ARHGAP9: variants seen among roughly 807,000 people sequenced by gnomAD.
ARHGAP9 encodes rho GTPase-activating protein 9.
ARHGAP9 carries 76 observed loss-of-function variants against 87.3 expected under a neutral mutation model. That is an observed-to-expected ratio of 0.87 (90% CI 0.72 to 1.05). The LOEUF is 1.05. ARHGAP9 is among the 50% of genes least tolerant of loss of function. The pLI, the probability that ARHGAP9 is intolerant of heterozygous loss-of-function variation, is 0.00. For synonymous variants in ARHGAP9, 382 were observed against 394.9 expected (o/e 0.97, Z 0.39); for missense variants, 941 against 960.5 (o/e 0.98, Z 0.27).
Position 57,474,648 on chromosome 12 carries a change from C to T in ARHGAP9, c.1707G>A (p.Lys569=). The T allele has an allele frequency of 4.3e-6, 7 of 1,614,220 alleles. No homozygotes were observed. The highest frequency in any genetic ancestry group is 5.9e-6 in the Non-Finnish European group (7 of 1,180,038). Residue 569 remains lysine, a synonymous_variant, in exon 14 of 18, where the codon AAG becomes AAA. Transcript: ENST00000393791. ...RVSGNLAVVQ[K]LRFLVDRERA... ...CACCTCTGTCCACCAGAAAGCGAAG[C>T]TTCTGGACCACTGCCAAGTTCCCGC...
At chr12:57,479,594 G>T in intron 1 of ARHGAP9, 136 bp downstream of exon 1, 1 of 1,529,634 alleles carries the variant, frequency 6.5e-7, no homozygotes, top group African/African-American at 1.4e-5. Flanking sequence ...AGGTTTTGGG[G>T]GCTGAGAACT....
intron 8 of ARHGAP9, 35 bp downstream of exon 8, chr12:57,476,318 GGTAGGCAGCGC>G (rs778473388): frequency 1.3e-6 from 2 of 1,598,206 alleles, no homozygotes; most frequent in East Asian, 4.5e-5. Flanking sequence ...GGCGTGAGGC[GGTAGGCAGCGC>G]CCGCACCCAT....
intron 1 of ARHGAP9, among the ~76,000 whole-genome samples, chr12:57,486,817 C>T (rs1843359747): frequency 7.0e-6 from 1 of 143,328 alleles, no homozygotes; most frequent in African/African-American, 2.5e-5. Context: ...CCCCGGGGGA[C>T]GGAGGTTGCA....
chr12:57,480,186 CT>C (rs35848143), upstream of ARHGAP9: 5,919 of 665,160 alleles, frequency 8.9e-3, 1 homozygote, highest in African/African-American at 0.021. Flanking sequence ...TTCATTCATG[CT>C]TTTTTTTTTT....
At chr12:57,488,366 C>G in intron 1 of ARHGAP9, 1 of 722,398 alleles carries the variant, frequency 1.4e-6, no homozygotes, top group Non-Finnish European at 2.3e-6. Context: ...CCAGTCACAT[C>G]TTTCACTTCC....
upstream of ARHGAP9, among the ~76,000 whole-genome samples, chr12:57,482,310 G>A (rs959198172): frequency 6.6e-6 from 1 of 151,278 alleles, no homozygotes; most frequent in Admixed American, 6.6e-5. Flanking sequence ...GCGTGATCTC[G>A]GCTCACTGCA....
At chr12:57,488,268 C>T in intron 1 of ARHGAP9, 1 of 1,449,834 alleles carries the variant, frequency 6.9e-7, no homozygotes, top group Non-Finnish European at 9.6e-7. Context: ...TTCTCTGCAG[C>T]TGTCTTTGCC....
chr12:57,484,040 CA>C (rs746542310), upstream of ARHGAP9: 1,437 of 40,700 alleles, frequency 0.035, 10 homozygotes, highest in South Asian at 0.058. Flanking sequence ...GACCCTGTCT[CA>C]AAAAAAAAAA....
intron 1 of ARHGAP9, chr12:57,488,463 G>C: frequency 8.8e-7 from 1 of 1,134,550 alleles, no homozygotes; most frequent in Non-Finnish European, 1.3e-6. Flanking sequence ...CCAGTAAACT[G>C]CTCTTCCCTT....
At position 57,478,660 on chromosome 12, in the gene ARHGAP9, T is replaced by C. The variant is rs1874573020; in HGVS notation, c.414A>G (p.Lys138=). ...TGTCAGTGCTGACGCTCCTACACAT[T>C]TTGCGGGGAAGTGGAGGAGGCTGCT... ...SSEQPPPLPR[K]MCRSVSTDNL... Residue 138 remains lysine (K), a synonymous_variant, in exon 3 of 18, where the codon AAA becomes AAG. Transcript: ENST00000393791. The C allele has an allele frequency of 6.2e-7, 1 of 1,613,986 alleles. No individual in the cohort carries two copies. Among genetic ancestry groups the C allele is most frequent in the South Asian group, 1.1e-5 (1 of 91,074 alleles).
intron 4 of ARHGAP9, 62 bp downstream of exon 4, chr12:57,477,397 A>C: frequency 6.3e-7 from 1 of 1,574,846 alleles, no homozygotes; most frequent in Non-Finnish European, 8.7e-7. Context: ...CACTACCTTG[A>C]GGTTCATCAG....
chr12:57,480,645 A>C, upstream of ARHGAP9: 1 of 829,626 alleles, frequency 1.2e-6, no homozygotes, highest in Non-Finnish European at 2.0e-6. Context: ...AATCAGGAAC[A>C]ATGGACAAGT....
rs969382465 is a variant in ARHGAP9 at position 57,472,281 on chromosome 12, T to G, written c.*236A>C. The stretch of plus-strand genomic sequence containing the variant: ...GCATCAGAAAAAATACCATGCCACT[T>G]TATGTATTATTATGTTGGGGAGGAA... On this transcript the variant is annotated 3_prime_UTR_variant, in exon 18 of 18. Transcript: ENST00000393791. 3.3e-6 allele frequency: 2 copies of G among 600,658 alleles called. No individual in the cohort carries two copies. Among genetic ancestry groups the G allele is most frequent in the African/African-American group, 1.9e-5 (1 of 53,530 alleles). The allele number at this position is 600,658 out of a possible 1,614,324, so 37.2% of individuals were successfully genotyped here.
chr12:57,474,313 A>G, intron 15 of ARHGAP9, 110 bp downstream of exon 15: 1 of 1,573,858 alleles, frequency 6.4e-7, no homozygotes. Flanking sequence ...CAAGGTAGCT[A>G]AGGTGGGGAT....
chr12:57,474,638 G>GAA lies in ARHGAP9; in HGVS notation c.1715_1716dup (p.Leu573PhefsTer27). ...CAAGCCTTCTCACCTCTGTCCACCA[G>GAA]AAAGCGAAGCTTCTGGACCACTGCC... is the stretch of plus-strand genomic sequence containing the variant. On this transcript the variant is annotated frameshift_variant, in exon 14 of 18. Coordinates refer to ENST00000393791, the MANE Select transcript of ARHGAP9 (RefSeq NM_032496.4). LOFTEE classifies it high-confidence loss of function. 1 of 1,614,220 alleles carries GAA rather than the reference G, an allele frequency of 6.2e-7. No individual in the cohort carries two copies. Among genetic ancestry groups the GAA allele is most frequent in the South Asian group, 1.1e-5 (1 of 91,086 alleles).
chr12:57,480,805 C>T (rs868534349), upstream of ARHGAP9: 1 of 1,550,472 alleles, frequency 6.4e-7, no homozygotes, highest in African/African-American at 1.4e-5. Flanking sequence ...CCTCTTCTCT[C>T]AGCTTCTCCA....
intron 1 of ARHGAP9, among the ~76,000 whole-genome samples, chr12:57,486,171 A>T (rs1875377383): frequency 6.6e-6 from 1 of 152,222 alleles, no homozygotes; most frequent in Admixed American, 6.5e-5. Flanking sequence ...TATTCTTAAA[A>T]TAATATAAAG....
upstream of ARHGAP9, among the ~76,000 whole-genome samples, chr12:57,482,362 T>A (rs928646279): frequency 1.3e-5 from 2 of 151,992 alleles, no homozygotes; most frequent in African/African-American, 4.8e-5. Flanking sequence ...TGCCTCATTC[T>A]CCTGAGCAGC....
chr12:57,488,501 A>C, intron 1 of ARHGAP9: 8 of 1,400,208 alleles, frequency 5.7e-6, no homozygotes, highest in Non-Finnish European at 7.9e-6. Context: ...CCTATCAGGC[A>C]TCCCCCTCTG....
Sources: gnomAD v4.1 joint callset for allele counts (sites outside exome capture counted in the v4.1 genomes callset) on GRCh38, gnomAD v4.1.1 for gene constraint, MANE v1.5 for transcripts, NCBI Gene and HGNC (gene_info 2026-07-23, HGNC 2026-07-21) for gene names.